Variants in GPC5 observed in about 807,000 individuals in gnomAD.
The protein encoded by GPC5 is glypican 5.
Under a neutral mutation model 53.9 loss-of-function variants are expected in GPC5, and 47 were observed. The ratio of observed to expected loss-of-function variants is 0.87; its 90% CI spans 0.69 to 1.11. The LOEUF is 1.11. GPC5 is among the 50% of genes most tolerant of loss of function. The pLI is 0.00. For synonymous variants in GPC5, 286 were observed against 263.3 expected (o/e 1.09, Z -0.84); for missense variants, 748 against 713.1 (o/e 1.05, Z -0.56).
At chr13:91,729,230 G>A (rs1027376350) in intron 4 of GPC5, among the ~76,000 whole-genome samples, 4 of 152,094 alleles carry the variant, frequency 2.6e-5, no homozygotes, top group Non-Finnish European at 5.9e-5. Context: ...CATAGGGCTC[G>A]CTAACTCACA....
Position 92,085,438 on chromosome 13 carries a change from C to A in GPC5, c.1402-59392C>A, listed in dbSNP as rs541561200. 2.0e-5 allele frequency among the ~76,000 whole-genome samples: 3 copies of A among 152,256 alleles called. No individual in the cohort carries two copies. The East Asian group carries it at 5.8e-4, about 29-fold the overall frequency. On this transcript the variant is annotated intron_variant, in intron 6 of 7. Transcript: ENST00000377067. ...TTTGAAACATTTAGTCCTTGTAGAT[C>A]ATGAGTGGAAGAACAGACTCTCTAA...
chr13:91,615,605 C>T (rs930818940), intron 2 of GPC5, among the ~76,000 whole-genome samples: 8 of 152,066 alleles, frequency 5.3e-5, no homozygotes, highest in East Asian at 3.9e-4. Context: ...AGTTACCATA[C>T]GTTTGGAGAG....
intron 6 of GPC5, among the ~76,000 whole-genome samples, chr13:92,052,024 C>T (rs207474231): frequency 6.6e-6 from 1 of 152,158 alleles, no homozygotes; most frequent in African/African-American, 2.4e-5. Context: ...GTGAGAGACA[C>T]AGAGGGCTTG....
chr13:91,845,127 T>G (rs917020330), intron 5 of GPC5, among the ~76,000 whole-genome samples: 3 of 152,176 alleles, frequency 2.0e-5, no homozygotes, highest in African/African-American at 7.2e-5. Flanking sequence ...AGTAATAAGC[T>G]CATGGATTCC....
At chr13:92,742,643 C>G (rs1169071925) in intron 7 of GPC5, among the ~76,000 whole-genome samples, 1 of 151,914 alleles carries the variant, frequency 6.6e-6, no homozygotes, top group Admixed American at 6.6e-5. Flanking sequence ...GTTTTAGACA[C>G]GAAGTCCTTG....
intron 7 of GPC5, among the ~76,000 whole-genome samples, chr13:92,425,284 A>G (rs887214673): frequency 1.3e-5 from 2 of 152,098 alleles, no homozygotes; most frequent in Non-Finnish European, 2.9e-5. Flanking sequence ...AAATGTAAAT[A>G]TGTAAGTTAA....
At chr13:91,765,512 G>A (rs2037505171) in intron 5 of GPC5, among the ~76,000 whole-genome samples, 1 of 152,194 alleles carries the variant, frequency 6.6e-6, no homozygotes, top group Admixed American at 6.6e-5. Context: ...TGGAAGTGGT[G>A]CAGAGAAGAC....
intron 7 of GPC5, among the ~76,000 whole-genome samples, chr13:92,323,319 T>C (rs1234592725): frequency 1.4e-5 from 2 of 147,682 alleles, no homozygotes; most frequent in African/African-American, 4.9e-5. Flanking sequence ...CGTATATATA[T>C]ACAACATACA....
chr13:91,947,697 A>C (rs1169715218), intron 6 of GPC5, among the ~76,000 whole-genome samples: 1 of 126,224 alleles, frequency 7.9e-6, no homozygotes, highest in Non-Finnish European at 1.8e-5. Context: ...GAAGAATTAA[A>C]GTTAAAATTA....
chr13:91,474,207 T>TGTACA (rs1326357364), intron 2 of GPC5, among the ~76,000 whole-genome samples: 7 of 152,176 alleles, frequency 4.6e-5, no homozygotes, highest in Non-Finnish European at 1.0e-4. Flanking sequence ...TGTAAATCTA[T>TGTACA]TTTATTCTTG....
chr13:91,587,340 C>A (rs2032636581), intron 2 of GPC5, among the ~76,000 whole-genome samples: 1 of 151,994 alleles, frequency 6.6e-6, no homozygotes, highest in African/African-American at 2.4e-5. Context: ...ACAGTAGTTT[C>A]CTAGTATCTG....
intron 2 of GPC5, among the ~76,000 whole-genome samples, chr13:91,563,626 TG>T (rs1208980214): frequency 1.3e-5 from 2 of 152,214 alleles, no homozygotes; most frequent in African/African-American, 4.8e-5. Flanking sequence ...CAAATAATTA[TG>T]GGAAATTGCC....
At chr13:92,694,714 A>G (rs964637949) in intron 7 of GPC5, among the ~76,000 whole-genome samples, 2 of 152,198 alleles carry the variant, frequency 1.3e-5, no homozygotes, top group African/African-American at 4.8e-5. Context: ...GAGACTTTGG[A>G]CTTAGACTTT....
At chr13:91,984,541 T>G (rs1341372925) in intron 6 of GPC5, among the ~76,000 whole-genome samples, 1 of 152,260 alleles carries the variant, frequency 6.6e-6, no homozygotes, top group Non-Finnish European at 1.5e-5. Flanking sequence ...ATGTGTAACA[T>G]AAATATTGAA....
chr13:92,833,753 G>T (rs1594537280), intron 7 of GPC5, among the ~76,000 whole-genome samples: 1 of 152,162 alleles, frequency 6.6e-6, no homozygotes, highest in Admixed American at 6.6e-5. Context: ...AGCCTCACAG[G>T]TTGGCAAGGG....
chr13:92,261,485 G>A (rs1421369751), intron 7 of GPC5, among the ~76,000 whole-genome samples: 1 of 151,924 alleles, frequency 6.6e-6, no homozygotes, highest in Non-Finnish European at 1.5e-5. Flanking sequence ...GTTTCTAAAA[G>A]GATAATGCCT....
chr13:91,908,256 C>T (rs1205447873), intron 6 of GPC5, among the ~76,000 whole-genome samples, 199 bp downstream of exon 6: 1 of 152,076 alleles, frequency 6.6e-6, no homozygotes, highest in Non-Finnish European at 1.5e-5. Flanking sequence ...TATTTTAATA[C>T]TGGACAATCT....
intron 6 of GPC5, among the ~76,000 whole-genome samples, chr13:92,091,169 A>T (rs947099847): frequency 7.2e-5 from 11 of 152,222 alleles, no homozygotes; most frequent in Non-Finnish European, 1.5e-4. Context: ...AAAAATTTTA[A>T]CAAGACTAGC....
chr13:91,884,734 A>G (rs1316224973), intron 5 of GPC5, among the ~76,000 whole-genome samples: 1 of 152,226 alleles, frequency 6.6e-6, no homozygotes, highest in African/African-American at 2.4e-5. Flanking sequence ...AGTGCGGCTT[A>G]CACTAGGAAC....
Sources: gnomAD v4.1 joint callset for allele counts (sites outside exome capture counted in the v4.1 genomes callset) on GRCh38, gnomAD v4.1.1 for gene constraint, MANE v1.5 for transcripts, NCBI Gene and HGNC (gene_info 2026-07-23, HGNC 2026-07-21) for gene names.